DNAH6: variants seen among roughly 807,000 people sequenced by gnomAD.
DNAH6 encodes axonemal beta dynein heavy chain 6.
A neutral mutation model predicts 491.4 loss-of-function variants in DNAH6; 340 were observed. That is an observed-to-expected ratio of 0.69 (90% confidence interval 0.63 to 0.76). The LOEUF is 0.76. Ranked by LOEUF, DNAH6 falls within the 30% of genes least tolerant of loss-of-function variation. The pLI is 0.00. For synonymous variants in DNAH6, 1,603 were observed against 1,686.1 expected, an observed-to-expected ratio of 0.95 and a Z score of 1.21; for missense variants, 4,443 against 4,972.2, an observed-to-expected ratio of 0.89 and a Z score of 3.20.
chr2:84,659,933 G>A (rs1281727884), intron 37 of DNAH6, among the ~76,000 whole-genome samples: 1 of 152,144 alleles, frequency 6.6e-6, no homozygotes, highest in African/African-American at 2.4e-5. Flanking sequence ...ACTGAGCTAT[G>A]ATCTTACCAC....
chr2:84,568,022 A>G (rs1330416403), intron 11 of DNAH6, among the ~76,000 whole-genome samples: 1 of 152,172 alleles, frequency 6.6e-6, no homozygotes, highest in Non-Finnish European at 1.5e-5. Context: ...AATCAAAACC[A>G]CAGTGAGATA....
intron 11 of DNAH6, among the ~76,000 whole-genome samples, 158 bp from the exon 12 acceptor site, chr2:84,573,309 A>T (rs1682079756): frequency 6.6e-6 from 1 of 152,226 alleles, no homozygotes; most frequent in Non-Finnish European, 1.5e-5. Context: ...ACTCCTCGAC[A>T]TCAAGAATAT....
chr2:84,557,238 A>G (rs1196266872), intron 10 of DNAH6, among the ~76,000 whole-genome samples: 1 of 152,214 alleles, frequency 6.6e-6, no homozygotes, highest in African/African-American at 2.4e-5. Context: ...ATTAGAAAAC[A>G]TATGTCCTGA....
At chr2:84,585,008 A>G (rs114525471) in intron 15 of DNAH6, among the ~76,000 whole-genome samples, 3 of 152,362 alleles carry the variant, frequency 2.0e-5, no homozygotes, top group South Asian at 4.1e-4. Flanking sequence ...ACTCAAAAGA[A>G]TATAATACAG....
At chr2:84,592,353 A>G (rs1261742947) in intron 16 of DNAH6, among the ~76,000 whole-genome samples, 1 of 152,216 alleles carries the variant, frequency 6.6e-6, no homozygotes, top group East Asian at 1.9e-4. Context: ...GACACCCAAC[A>G]TCAATAATCA....
At chr2:84,505,220 A>C in the DNAH6 span, among the ~76,000 whole-genome samples, 1 of 152,182 alleles carries the variant, frequency 6.6e-6, no homozygotes, top group Non-Finnish European at 1.5e-5. Context: ...TGACTTTGTT[A>C]ATCTCATTTA....
chr2:84,806,690 A>G (rs189474382), intron 71 of DNAH6, among the ~76,000 whole-genome samples: 1 of 151,382 alleles, frequency 6.6e-6, no homozygotes. Context: ...CTTTTCTTAG[A>G]TCGATAGGAG....
At chr2:84,780,130 A>T (rs2105217625) in intron 64 of DNAH6, among the ~76,000 whole-genome samples, 1 of 152,058 alleles carries the variant, frequency 6.6e-6, no homozygotes, top group South Asian at 2.1e-4. Context: ...TGGTCATCTT[A>T]TATAGTATCT....
chr2:84,725,291 G>A (rs190924980), intron 60 of DNAH6, among the ~76,000 whole-genome samples: 134 of 152,288 alleles, frequency 8.8e-4, no homozygotes, highest in African/African-American at 3.0e-3. Flanking sequence ...TCCAGGAACA[G>A]TTTCTATTTC....
At chr2:84,713,649 A>G (rs185302131) in intron 57 of DNAH6, among the ~76,000 whole-genome samples, 100 of 152,320 alleles carry the variant, frequency 6.6e-4, no homozygotes, top group African/African-American at 2.4e-3. Context: ...TGTCCCTGTT[A>G]TTATGACTAG....
chr2:84,501,055 G>A, the DNAH6 span, among the ~76,000 whole-genome samples: 7 of 152,198 alleles, frequency 4.6e-5, no homozygotes, highest in Non-Finnish European at 5.9e-5. Context: ...AAGACTTCCA[G>A]TACTATGCTG....
intron 63 of DNAH6, among the ~76,000 whole-genome samples, chr2:84,755,338 C>T (rs72924755): frequency 0.026 from 3,951 of 152,214 alleles, 140 homozygotes; most frequent in African/African-American, 0.086. Flanking sequence ...TGTCAGATAC[C>T]GTATCATGCT....
intron 72 of DNAH6, among the ~76,000 whole-genome samples, 165 bp downstream of exon 72, chr2:84,808,707 A>T (rs1014382999): frequency 1.2e-4 from 18 of 152,228 alleles, no homozygotes; most frequent in African/African-American, 4.3e-4. Context: ...TCTCTAATGA[A>T]TCTGTATTCC....
intron 17 of DNAH6, among the ~76,000 whole-genome samples, chr2:84,595,090 G>C (rs1008835426): frequency 4.6e-5 from 7 of 152,034 alleles, no homozygotes; most frequent in Non-Finnish European, 1.0e-4. Flanking sequence ...AAACACACTA[G>C]GGAGCAGAAG....
At chr2:84,766,848 G>A (rs1467675021) in intron 64 of DNAH6, among the ~76,000 whole-genome samples, 1 of 152,140 alleles carries the variant, frequency 6.6e-6, no homozygotes. Context: ...AGCCCACTAA[G>A]TAGGAGGGGA....
intron 13 of DNAH6, 76 bp downstream of exon 13, chr2:84,577,484 G>A (rs570226996): frequency 9.3e-7 from 1 of 1,077,512 alleles, no homozygotes; most frequent in Non-Finnish European, 1.3e-6. Context: ...CAAAAACCTA[G>A]TATTTATTTT....
At chr2:84,760,340 G>A (rs535881760) in intron 63 of DNAH6, among the ~76,000 whole-genome samples, 40 of 152,154 alleles carry the variant, frequency 2.6e-4, no homozygotes, top group African/African-American at 5.8e-4. Context: ...GCTTCTGCTC[G>A]GCAAAAGAAA....
At chr2:84,676,898 A>C (rs994189002) in intron 40 of DNAH6, 107 bp from the exon 41 acceptor site, 15 of 1,301,438 alleles carry the variant, frequency 1.2e-5, no homozygotes, top group Non-Finnish European at 1.6e-5. Flanking sequence ...AACATGCACA[A>C]AAAAAAATGT....
intron 10 of DNAH6, among the ~76,000 whole-genome samples, chr2:84,555,599 A>G (rs1679943295): frequency 6.6e-6 from 1 of 152,148 alleles, no homozygotes. Context: ...ACCTATATCT[A>G]TATGTCTCTA....
Sources: allele counts gnomAD v4.1 joint callset (sites outside exome capture counted in the v4.1 genomes callset), GRCh38; gene constraint gnomAD v4.1.1; transcripts MANE v1.5; gene names NCBI Gene and HGNC (gene_info 2026-07-23, HGNC 2026-07-21).